PTPRK: variants seen among roughly 807,000 people sequenced by gnomAD.
PTPRK encodes the protein protein tyrosine phosphatase receptor type K.
Under a neutral mutation model 178.0 loss-of-function variants are expected in PTPRK, and 75 were observed. The ratio of observed to expected loss-of-function variants is 0.42; its 90% CI spans 0.35 to 0.51. PTPRK has a LOEUF of 0.51. Ranked by LOEUF, PTPRK falls within the 20% of genes least tolerant of loss-of-function variation. PTPRK has a pLI of 0.02. For missense variants in PTPRK, 1,441 were observed against 1,797.8 expected, an observed-to-expected ratio of 0.80 and a Z score of 3.59; for synonymous variants, 637 against 620.6, an observed-to-expected ratio of 1.03 and a Z score of -0.39.
Position 128,089,573 on chromosome 6 carries a change from CATTTAG to C in PTPRK, c.1465+111_1465+116del, listed in dbSNP as rs1786565590. The C allele has an allele frequency of 1.8e-5, 20 of 1,123,988 alleles. 1 individual carries two copies. The South Asian group carries it at 2.9e-4, about 16-fold the overall frequency. The allele number at this position is 1,123,988 out of a possible 1,614,324, so 69.6% of individuals were successfully genotyped here. ...TTTCCAAAGTTAATCTCATTAATAACATTTAGATGATTTCAGAATCCAATTCAGTAT... is the reference window on the plus strand; with the variant it reads ...TTTCCAAAGTTAATCTCATTAATAACATGATTTCAGAATCCAATTCAGTAT... On this transcript the variant is annotated intron_variant, in intron 8 of 29. Transcript: ENST00000368226.
chr6:128,229,729 G>T (rs1811983902), intron 5 of PTPRK, among the ~76,000 whole-genome samples: 1 of 152,000 alleles, frequency 6.6e-6, no homozygotes, highest in African/African-American at 2.4e-5. Flanking sequence ...AATAATAATT[G>T]CAACAAATTA....
chr6:128,462,630 TTTA>T (rs1849213823), intron 1 of PTPRK, among the ~76,000 whole-genome samples: 107 of 73,012 alleles, frequency 1.5e-3, no homozygotes, highest in African/African-American at 7.1e-3. Flanking sequence ...GTATATTTTA[TTTA>T]TTTATTTATT....
chr6:128,115,895 T>C (rs779190084), intron 7 of PTPRK, among the ~76,000 whole-genome samples: 1 of 152,082 alleles, frequency 6.6e-6, no homozygotes, highest in Non-Finnish European at 1.5e-5. Context: ...AGTCACTAAC[T>C]TGAAAATGTG....
At chr6:128,184,834 TAATA>T (rs1802495127) in intron 6 of PTPRK, 109 bp from the exon 7 acceptor site, 5 of 1,102,460 alleles carry the variant, frequency 4.5e-6, no homozygotes, top group Non-Finnish European at 6.3e-6. Flanking sequence ...TAGAAATGCA[TAATA>T]AATACTTGAA....
intron 13 of PTPRK, among the ~76,000 whole-genome samples, chr6:128,025,045 T>G (rs1483161691): frequency 2.6e-5 from 4 of 152,246 alleles, no homozygotes; most frequent in African/African-American, 9.6e-5. Flanking sequence ...AGTTTGTCTT[T>G]GACATATGTG....
chr6:128,383,344 A>G (rs561405357), intron 2 of PTPRK, among the ~76,000 whole-genome samples: 4 of 152,292 alleles, frequency 2.6e-5, no homozygotes, highest in South Asian at 4.1e-4. Context: ...AAACACCATC[A>G]GTAGAATATT....
chr6:128,247,509 G>A (rs1048785076), intron 3 of PTPRK, among the ~76,000 whole-genome samples: 2 of 151,810 alleles, frequency 1.3e-5, no homozygotes, highest in African/African-American at 4.8e-5. Flanking sequence ...TGTAGAGACG[G>A]GGTTTTAACA....
chr6:128,040,093 C>T (rs567817534), intron 13 of PTPRK, among the ~76,000 whole-genome samples: 5 of 152,136 alleles, frequency 3.3e-5, no homozygotes, highest in East Asian at 1.9e-4. Flanking sequence ...TTAGATAAGG[C>T]GAAATTTTAG....
intron 1 of PTPRK, among the ~76,000 whole-genome samples, chr6:128,411,847 T>G (rs1842344220): frequency 6.6e-6 from 1 of 152,236 alleles, no homozygotes; most frequent in South Asian, 2.1e-4. Context: ...TGGTTTATAT[T>G]TATTTCTAGC....
chr6:128,251,281 T>G (rs891786198), intron 3 of PTPRK, among the ~76,000 whole-genome samples: 2 of 152,196 alleles, frequency 1.3e-5, no homozygotes, highest in African/African-American at 4.8e-5. Flanking sequence ...ACTCTTTGAT[T>G]TTCGAGTTTC....
chr6:128,338,676 T>TCC (rs1831268687), intron 2 of PTPRK, among the ~76,000 whole-genome samples: 1 of 151,798 alleles, frequency 6.6e-6, no homozygotes, highest in Non-Finnish European at 1.5e-5. Flanking sequence ...GCTTCCCCTC[T>TCC]GCAGAAGGAA....
In PTPRK at chr6:128,241,781, CT is replaced by C. The variant is rs930513368; in HGVS notation, c.577+739del. Reference sequence around the variant, plus strand: ...CCGAGTTTCTTGTTTTGTTTGCTTTCTTTTTTTTTTTTTTTTTGAGACGGAG... The same window carrying C: ...CCGAGTTTCTTGTTTTGTTTGCTTTCTTTTTTTTTTTTTTTTGAGACGGAG... On this transcript the variant is annotated intron_variant, in intron 4 of 29. Coordinates refer to ENST00000368226, the MANE Select transcript of PTPRK (RefSeq NM_002844.4). 2.3e-3 allele frequency among the ~76,000 whole-genome samples: 310 copies of C among 132,132 alleles called. 1 individual carries two copies. Among genetic ancestry groups the C allele is most frequent in the Middle Eastern group, 0.012 (3 of 258 alleles). The allele number at this position is 132,132 out of a possible 152,430, so 86.7% of individuals were successfully genotyped here.
intron 7 of PTPRK, among the ~76,000 whole-genome samples, chr6:128,133,941 T>C (rs1794638854): frequency 6.6e-6 from 1 of 152,170 alleles, no homozygotes; most frequent in Non-Finnish European, 1.5e-5. Context: ...TTCCCCCAAA[T>C]TTATAATAAG....
intron 7 of PTPRK, among the ~76,000 whole-genome samples, chr6:128,128,108 T>G (rs1377509293): frequency 1.3e-5 from 2 of 152,350 alleles, no homozygotes; most frequent in South Asian, 2.1e-4. Flanking sequence ...ATCAAAATAC[T>G]CTTTCACTTA....
At chr6:128,140,488 G>T (rs1000268949) in intron 7 of PTPRK, among the ~76,000 whole-genome samples, 1 of 151,884 alleles carries the variant, frequency 6.6e-6, no homozygotes, top group African/African-American at 2.4e-5. Context: ...AATTGTTATA[G>T]TGTCTTTAGT....
At chr6:128,034,643 G>A (rs147077387) in intron 13 of PTPRK, among the ~76,000 whole-genome samples, 37 of 152,198 alleles carry the variant, frequency 2.4e-4, no homozygotes, top group African/African-American at 8.2e-4. Flanking sequence ...AAATAAGACT[G>A]TTAAAGTTTT....
intron 8 of PTPRK, among the ~76,000 whole-genome samples, chr6:128,085,928 G>T (rs1301861751): frequency 6.6e-6 from 1 of 152,120 alleles, no homozygotes; most frequent in Admixed American, 6.5e-5. Context: ...AAACAAAGTA[G>T]ATTCAATAAC....
At chr6:127,994,014 G>C (rs1351106944) in intron 18 of PTPRK, among the ~76,000 whole-genome samples, 2 of 151,554 alleles carry the variant, frequency 1.3e-5, no homozygotes, top group African/African-American at 4.8e-5. Context: ...TCATAGAACT[G>C]TTGATTTTTT....
chr6:128,072,307 G>T (rs560848049), intron 11 of PTPRK, among the ~76,000 whole-genome samples: 28 of 151,910 alleles, frequency 1.8e-4, no homozygotes, highest in Middle Eastern at 3.4e-3. Context: ...TTATGATGGG[G>T]TTATGTCCCA....
Sources: allele counts gnomAD v4.1 joint callset (sites outside exome capture counted in the v4.1 genomes callset), GRCh38; gene constraint gnomAD v4.1.1; transcripts MANE v1.5; gene names NCBI Gene and HGNC (gene_info 2026-07-23, HGNC 2026-07-21).